The following NKAIN3 variants were observed in gnomAD, a reference collection of about 807,000 sequenced individuals.
NKAIN3 encodes the protein sodium/potassium transporting ATPase interacting 3.
A neutral mutation model predicts 30.2 loss-of-function variants in NKAIN3; 25 were observed. The observed-to-expected ratio is 0.83, with a 90% confidence interval of 0.60 to 1.16. The LOEUF is 1.16. Among genes scored for constraint, NKAIN3 ranks in the 50% most tolerant of loss-of-function variants. The pLI is 0.00. For missense variants in NKAIN3, 225 were observed against 254.1 expected, an observed-to-expected ratio of 0.89 and a Z score of 0.78; for synonymous variants, 91 against 89.6, an observed-to-expected ratio of 1.02 and a Z score of -0.09.
intron 4 of NKAIN3, among the ~76,000 whole-genome samples, chr8:62,900,140 A>C (rs1821563956): frequency 1.3e-5 from 2 of 152,198 alleles, no homozygotes; most frequent in African/African-American, 4.8e-5. Context: ...CACTGAATTG[A>C]AAAAGTTACA....
Position 62,456,824 on chromosome 8 carries a change from G to A in NKAIN3, c.55-122715G>A, listed in dbSNP as rs547502014. The stretch of plus-strand genomic sequence containing the variant: ...TTAAAAATCATGGCTTAGATCAGGT[G>A]ATAAATAATCCTAATGCACCCAGCC... On this transcript the variant is annotated intron_variant, in intron 1 of 6. Transcript: ENST00000623646. 3.9e-5 allele frequency among the ~76,000 whole-genome samples: 6 copies of A among 152,360 alleles called. No homozygotes were observed. The East Asian group carries it at 1.2e-3, about 29-fold the overall frequency.
In NKAIN3 at chr8:62,659,015, G is replaced by A. The variant is rs1017541654; in HGVS notation, c.273+69221G>A. ...ACTGGAGAGGCATATCCCATAATCC[G>A]CTCATTCATATGGAAATTCATTATT... On this transcript the variant is annotated intron_variant, in intron 3 of 6. Transcript: ENST00000623646. 5.9e-5 allele frequency among the ~76,000 whole-genome samples: 9 copies of A among 152,048 alleles called. 1 individual carries two copies. Among genetic ancestry groups the A allele is most frequent in the Admixed American group, 2.0e-4 (3 of 15,266 alleles).
At chr8:62,504,851 C>G (rs1585883123) in intron 1 of NKAIN3, among the ~76,000 whole-genome samples, 1 of 152,174 alleles carries the variant, frequency 6.6e-6, no homozygotes, top group East Asian at 1.9e-4. Flanking sequence ...TCTAGTAACA[C>G]CAGAGTTCTC....
chr8:62,914,454 C>T (rs1359155487), intron 4 of NKAIN3, among the ~76,000 whole-genome samples: 6 of 152,030 alleles, frequency 3.9e-5, no homozygotes, highest in African/African-American at 1.4e-4. Context: ...CACATGTTTG[C>T]CTATGTAACA....
chr8:62,438,268 G>A (rs1805228118), intron 1 of NKAIN3, among the ~76,000 whole-genome samples: 1 of 152,144 alleles, frequency 6.6e-6, no homozygotes, highest in Non-Finnish European at 1.5e-5. Flanking sequence ...ACAGGTAAAG[G>A]ACCTATCTTT....
At chr8:62,447,283 A>G (rs1192082912) in intron 1 of NKAIN3, among the ~76,000 whole-genome samples, 3 of 151,998 alleles carry the variant, frequency 2.0e-5, no homozygotes. Flanking sequence ...ATTTGAAAAT[A>G]TTGTATTTAA....
rs139874351 is a variant in NKAIN3 at position 62,931,658 on chromosome 8, G to A, written c.532+13145G>A. 1.8e-3 allele frequency among the ~76,000 whole-genome samples: 277 copies of A among 152,194 alleles called. 1 individual carries two copies. The highest frequency in any genetic ancestry group is 6.2e-3 in the African/African-American group (259 of 41,508). On this transcript the variant is annotated intron_variant, in intron 5 of 6. Transcript: ENST00000623646. ...AGCTTACCACTAATGAATTTAAAGA[G>A]CTTTTCTTTAATAGTTGTTGGAACA...
chr8:62,969,351 A>T lies in NKAIN3; in HGVS notation c.*3944A>T, dbSNP rs1236482014. Among the ~76,000 whole-genome samples, 1 of 152,210 alleles carries T rather than the reference A, an allele frequency of 6.6e-6. No homozygotes were observed. Among genetic ancestry groups the T allele is most frequent in the Non-Finnish European group, 1.5e-5 (1 of 68,036 alleles). ...AAACTAGCTAAAATGTACATTGCAAATCTGAAGAAAACAATCATGACTCTG... is the reference window on the plus strand; with the variant it reads ...AAACTAGCTAAAATGTACATTGCAATTCTGAAGAAAACAATCATGACTCTG... On this transcript the variant is annotated 3_prime_UTR_variant, in exon 7 of 7. Transcript: ENST00000623646.
At chr8:62,706,238 A>C (rs1814516540) in intron 3 of NKAIN3, among the ~76,000 whole-genome samples, 3 of 152,232 alleles carry the variant, frequency 2.0e-5, no homozygotes, top group Middle Eastern at 3.4e-3. Context: ...CCATGTTGTC[A>C]GTATGGTACA....
chr8:62,402,238 A>G (rs1371695462), intron 1 of NKAIN3, among the ~76,000 whole-genome samples: 1 of 152,152 alleles, frequency 6.6e-6, no homozygotes, highest in Non-Finnish European at 1.5e-5. Context: ...GGTTACCACC[A>G]ATATTTATTC....
Position 62,920,918 on chromosome 8 carries a change from G to A in NKAIN3, c.532+2405G>A, listed in dbSNP as rs370760415. Among the ~76,000 whole-genome samples the A allele has an allele frequency of 2.2e-4, 34 of 152,202 alleles. No individual in the cohort carries two copies. The East Asian group carries it at 5.0e-3, about 22-fold the overall frequency. On this transcript the variant is annotated intron_variant, in intron 5 of 6. Transcript: ENST00000623646. Reference sequence around the variant, plus strand: ...AAATATTTGATAGTTCTCAAATGAGGGTAATTTTATATTTTTTATTGAATG... The same window carrying A: ...AAATATTTGATAGTTCTCAAATGAGAGTAATTTTATATTTTTTATTGAATG...
intron 1 of NKAIN3, among the ~76,000 whole-genome samples, chr8:62,317,346 G>A (rs1814676485): frequency 6.6e-6 from 1 of 152,130 alleles, no homozygotes; most frequent in Non-Finnish European, 1.5e-5. Flanking sequence ...TGAAGTCCTT[G>A]CCCATGCCTA....
intron 1 of NKAIN3, among the ~76,000 whole-genome samples, chr8:62,403,600 G>A (rs546607222): frequency 3.4e-4 from 52 of 152,316 alleles, no homozygotes; most frequent in South Asian, 4.1e-4. Flanking sequence ...GCTACCATGC[G>A]GTATTGGTCC....
intron 1 of NKAIN3, among the ~76,000 whole-genome samples, chr8:62,540,394 C>T (rs1472390182): frequency 6.6e-6 from 1 of 152,174 alleles, no homozygotes; most frequent in Non-Finnish European, 1.5e-5. Flanking sequence ...TTTGATGGAT[C>T]AGTTTTCAGT....
intron 1 of NKAIN3, among the ~76,000 whole-genome samples, chr8:62,363,284 A>T (rs571968641): frequency 2.0e-5 from 3 of 152,248 alleles, no homozygotes; most frequent in South Asian, 4.1e-4. Context: ...TCTCTTGATA[A>T]TGAGTCAGCA....
intron 5 of NKAIN3, among the ~76,000 whole-genome samples, chr8:62,923,570 G>A (rs936950420): frequency 6.6e-6 from 1 of 152,162 alleles, no homozygotes; most frequent in Non-Finnish European, 1.5e-5. Flanking sequence ...TCAAGGTATA[G>A]GGAGATAAAG....
chr8:62,288,314 C>T (rs1813448983), intron 1 of NKAIN3, among the ~76,000 whole-genome samples: 2 of 152,108 alleles, frequency 1.3e-5, no homozygotes, highest in Non-Finnish European at 2.9e-5. Flanking sequence ...CAAATGTATA[C>T]ATGTGCCATG....
At chr8:62,532,421 T>G (rs2129846337) in intron 1 of NKAIN3, among the ~76,000 whole-genome samples, 1 of 24,674 alleles carries the variant, frequency 4.1e-5, no homozygotes, top group African/African-American at 1.7e-4. Flanking sequence ...AAGCCCTGGC[T>G]GCATTCTAAT....
At chr8:62,313,267 C>G (rs1000344027) in intron 1 of NKAIN3, among the ~76,000 whole-genome samples, 2 of 152,118 alleles carry the variant, frequency 1.3e-5, no homozygotes, top group African/African-American at 4.8e-5. Flanking sequence ...AATAGATAAT[C>G]AAGAATTTCC....
Sources: allele counts gnomAD v4.1 joint callset (sites outside exome capture counted in the v4.1 genomes callset), GRCh38; gene constraint gnomAD v4.1.1; transcripts MANE v1.5; gene names NCBI Gene and HGNC (gene_info 2026-07-23, HGNC 2026-07-21).